LOC102723971: variants seen among roughly 807,000 people sequenced by gnomAD.
chr9:135,616,821 G>C, the LOC102723971 span: 1 of 398,500 alleles, frequency 2.5e-6, no homozygotes, highest in Non-Finnish European at 4.4e-6. Flanking sequence ...TGGTGGCATT[G>C]CAATGTCCAC....
At chr9:135,617,588 G>C in the LOC102723971 span, among the ~76,000 whole-genome samples, 1 of 152,164 alleles carries the variant, frequency 6.6e-6, no homozygotes, top group African/African-American at 2.4e-5. Flanking sequence ...CAAGAAGGTT[G>C]AGGGGTTGGG....
chr9:135,618,600 G>A, the LOC102723971 span, among the ~76,000 whole-genome samples: 44 of 152,028 alleles, frequency 2.9e-4, 2 homozygotes, highest in East Asian at 6.8e-3. Context: ...AGCACGGGCC[G>A]CCAGGGTGGG....
the LOC102723971 span, among the ~76,000 whole-genome samples, chr9:135,615,728 G>A: frequency 1.3e-5 from 2 of 152,212 alleles, no homozygotes; most frequent in Non-Finnish European, 2.9e-5. Context: ...ACTGGGCCAC[G>A]GGCCTGTGTT....
the LOC102723971 span, chr9:135,614,326 A>G: frequency 2.5e-6 from 1 of 398,662 alleles, no homozygotes; most frequent in Non-Finnish European, 4.4e-6. Flanking sequence ...AGGTACCGGT[A>G]CAGCCGGGCT....
At chr9:135,619,527 G>C in the LOC102723971 span, among the ~76,000 whole-genome samples, 1 of 152,070 alleles carries the variant, frequency 6.6e-6, no homozygotes. Flanking sequence ...TCCATGCTCC[G>C]TGAGCAAACG....
At chr9:135,615,854 C>G in the LOC102723971 span, among the ~76,000 whole-genome samples, 1 of 152,208 alleles carries the variant, frequency 6.6e-6, no homozygotes, top group African/African-American at 2.4e-5. Flanking sequence ...GGGCCCACAC[C>G]CCTTCCGGCC....
chr9:135,616,732 C>T, the LOC102723971 span: 5 of 398,464 alleles, frequency 1.3e-5, no homozygotes, highest in African/African-American at 4.1e-5. Context: ...CTCGGATGTC[C>T]AGTCCCGGCC....
chr9:135,616,584 C>T, the LOC102723971 span: 2 of 398,712 alleles, frequency 5.0e-6, no homozygotes, highest in East Asian at 7.1e-5. Context: ...TCTCTTTTCC[C>T]AGGGGAGAAG....
At chr9:135,618,546 G>T in the LOC102723971 span, among the ~76,000 whole-genome samples, 14,952 of 152,052 alleles carry the variant, frequency 0.098, 797 homozygotes, top group East Asian at 0.18. Flanking sequence ...GGGGGTGGGA[G>T]TGGGGGCTAG....
chr9:135,615,909 A>G, the LOC102723971 span, among the ~76,000 whole-genome samples: 1 of 152,254 alleles, frequency 6.6e-6, no homozygotes, highest in African/African-American at 2.4e-5. Flanking sequence ...ACTGTCAGCA[A>G]AAGAAAATCG....
At chr9:135,617,853 C>G in the LOC102723971 span, 1 of 397,390 alleles carries the variant, frequency 2.5e-6, no homozygotes. Context: ...TGCCCAGGGC[C>G]TCTGCCTCCC....
chr9:135,618,162 G>A, the LOC102723971 span: 3,403 of 396,168 alleles, frequency 8.6e-3, 82 homozygotes, highest in African/African-American at 0.061. Flanking sequence ...CTCCCCTTAC[G>A]GCCAGGCCTG....
At chr9:135,616,687 C>T in the LOC102723971 span, 2 of 398,740 alleles carry the variant, frequency 5.0e-6, no homozygotes, top group Non-Finnish European at 8.8e-6. Context: ...GGGATCTGGG[C>T]TGGGCTCTGA....
At chr9:135,615,398 A>G in the LOC102723971 span, 35,568 of 398,630 alleles carry the variant, frequency 0.089, 1,748 homozygotes, top group South Asian at 0.16. Context: ...GCTGGCAGCC[A>G]ACCACGCAGA....
the LOC102723971 span, chr9:135,617,071 A>G: frequency 2.5e-6 from 1 of 398,412 alleles, no homozygotes; most frequent in Non-Finnish European, 4.4e-6. Context: ...GACCCCAGAC[A>G]TGAGGGCGGA....
At chr9:135,616,401 G>A in the LOC102723971 span, among the ~76,000 whole-genome samples, 2 of 152,188 alleles carry the variant, frequency 1.3e-5, no homozygotes, top group Non-Finnish European at 2.9e-5. Flanking sequence ...CCTGGTGCCT[G>A]TGCCAGGACG....
At chr9:135,619,545 C>T in the LOC102723971 span, among the ~76,000 whole-genome samples, 3 of 152,108 alleles carry the variant, frequency 2.0e-5, no homozygotes, top group Admixed American at 1.3e-4. Context: ...ACGCATATGT[C>T]CCCACTGAGG....
At chr9:135,617,184 C>T in the LOC102723971 span, among the ~76,000 whole-genome samples, 3 of 152,256 alleles carry the variant, frequency 2.0e-5, no homozygotes, top group Non-Finnish European at 4.4e-5. Flanking sequence ...TGGGCCGAGA[C>T]GCAGCTGAGC....
At chr9:135,619,304 G>C in the LOC102723971 span, among the ~76,000 whole-genome samples, 1 of 152,196 alleles carries the variant, frequency 6.6e-6, no homozygotes, top group Non-Finnish European at 1.5e-5. Flanking sequence ...CTGAGCTCCT[G>C]CCCGCAGCGC....
Sources: gnomAD v4.1 joint callset for allele counts (sites outside exome capture counted in the v4.1 genomes callset) on GRCh38, gnomAD v4.1.1 for gene constraint, MANE v1.5 for transcripts.